The following CMIP variants were observed in gnomAD, a reference collection of about 807,000 sequenced individuals.
The protein encoded by CMIP is c-Maf inducing protein.
A neutral mutation model predicts 97.3 loss-of-function variants in CMIP; 13 were observed. The observed-to-expected ratio is 0.13, with a 90% CI of 0.09 to 0.21. CMIP has a LOEUF of 0.21. CMIP is among the 10% of genes least tolerant of loss of function. The probability of loss-of-function intolerance (pLI) is 1.00; values close to 1 mark genes in which losing one functional copy is unlikely to be tolerated. For missense variants in CMIP, 847 were observed against 1,024.9 expected (o/e 0.83, Z 2.37); for synonymous variants, 538 against 436.3 (o/e 1.23, Z -2.91).
At chr16:81,552,778 C>T (rs2090684713) in intron 1 of CMIP, among the ~76,000 whole-genome samples, 1 of 152,212 alleles carries the variant, frequency 6.6e-6, no homozygotes, top group African/African-American at 2.4e-5. Flanking sequence ...CACCAGGGGC[C>T]ATCCTTAGTG....
intron 1 of CMIP, chr16:81,464,053 G>A (rs1432400869): frequency 1.3e-5 from 2 of 152,288 alleles, no homozygotes; most frequent in African/African-American, 4.8e-5. Context: ...TTTCCAGGCA[G>A]CCAGCTCAGG....
At chr16:81,672,914 GT>G (rs1307381908) in intron 9 of CMIP, among the ~76,000 whole-genome samples, 5 of 152,210 alleles carry the variant, frequency 3.3e-5, no homozygotes, top group African/African-American at 7.2e-5. Context: ...CACAATTTCA[GT>G]GCTGGAGAGC....
At chr16:81,548,452 G>A (rs1178155371) in intron 1 of CMIP, among the ~76,000 whole-genome samples, 3 of 151,998 alleles carry the variant, frequency 2.0e-5, no homozygotes, top group Non-Finnish European at 4.4e-5. Context: ...CTTTATTGCG[G>A]GCACTGTCCT....
chr16:81,497,917 C>T (rs2089522111), intron 1 of CMIP, among the ~76,000 whole-genome samples: 1 of 152,264 alleles, frequency 6.6e-6, no homozygotes, highest in Non-Finnish European at 1.5e-5. Flanking sequence ...CTGTGGTCCC[C>T]CCAGAGGCTT....
chr16:81,660,971 G>C, intron 6 of CMIP, 25 bp downstream of exon 6: 1 of 1,613,894 alleles, frequency 6.2e-7, no homozygotes. Context: ...AGCTGGGGCT[G>C]TGGCTGCAGG....
chr16:81,675,861 G>C (rs1033264942), intron 9 of CMIP, among the ~76,000 whole-genome samples: 1 of 152,324 alleles, frequency 6.6e-6, no homozygotes, highest in East Asian at 1.9e-4. Context: ...AGCAGGTCTG[G>C]GGCGGGGCCT....
intron 20 of CMIP, 114 bp from the exon 21 acceptor site, chr16:81,709,632 G>C (rs1908538073): frequency 2.5e-6 from 3 of 1,182,152 alleles, no homozygotes; most frequent in South Asian, 1.3e-5. Context: ...ACAGCACCAA[G>C]GTGGGGAGAG....
At chr16:81,681,224 T>A (rs1038222500) in intron 10 of CMIP, among the ~76,000 whole-genome samples, 4 of 152,218 alleles carry the variant, frequency 2.6e-5, no homozygotes, top group Non-Finnish European at 5.9e-5. Flanking sequence ...TTGGGCCTGA[T>A]AACTGTATTT....
intron 6 of CMIP, among the ~76,000 whole-genome samples, chr16:81,661,817 C>T (rs1278902578): frequency 6.6e-6 from 1 of 152,046 alleles, no homozygotes; most frequent in Admixed American, 6.5e-5. Context: ...GAAAGGGAGA[C>T]AAGATTCAGT....
At chr16:81,495,991 A>T (rs2089483300) in intron 1 of CMIP, among the ~76,000 whole-genome samples, 1 of 152,204 alleles carries the variant, frequency 6.6e-6, no homozygotes, top group Non-Finnish European at 1.5e-5. Flanking sequence ...TGAAGCTGGC[A>T]GGGGCGCAAA....
chr16:81,553,526 G>T (rs1380396075), intron 1 of CMIP, among the ~76,000 whole-genome samples: 1 of 152,098 alleles, frequency 6.6e-6, no homozygotes, highest in Non-Finnish European at 1.5e-5. Flanking sequence ...TGCCTGTCCC[G>T]GCGCCAGCTT....
At chr16:81,611,007 C>G (rs1423298572) in intron 2 of CMIP, among the ~76,000 whole-genome samples, 1 of 152,172 alleles carries the variant, frequency 6.6e-6, no homozygotes, top group Non-Finnish European at 1.5e-5. Flanking sequence ...ACGGCATTAC[C>G]TTAGTGCTCC....
chr16:81,468,190 G>A (rs1448019653), intron 1 of CMIP, among the ~76,000 whole-genome samples: 2 of 152,326 alleles, frequency 1.3e-5, no homozygotes, highest in East Asian at 3.9e-4. Flanking sequence ...CTGGGCAGGG[G>A]CCAGAGGGCT....
chr16:81,677,013 C>T (rs1372749024), intron 9 of CMIP, among the ~76,000 whole-genome samples: 1 of 152,190 alleles, frequency 6.6e-6, no homozygotes, highest in African/African-American at 2.4e-5. Flanking sequence ...CACGAGGAGC[C>T]TTAAAAATTA....
chr16:81,508,481 A>G (rs1216876228), intron 1 of CMIP, among the ~76,000 whole-genome samples: 1 of 152,064 alleles, frequency 6.6e-6, no homozygotes, highest in Non-Finnish European at 1.5e-5. Context: ...AGAGCATTCT[A>G]CTCCATAGCT....
intron 20 of CMIP, among the ~76,000 whole-genome samples, chr16:81,708,310 G>A (rs1233251211): frequency 6.6e-6 from 1 of 152,206 alleles, no homozygotes; most frequent in East Asian, 1.9e-4. Context: ...GGCACCACTC[G>A]GGGGCCAACA....
chr16:81,483,570 C>A lies in CMIP; in HGVS notation c.300+38029C>A, dbSNP rs1486207429. 4.7e-5 allele frequency among the ~76,000 whole-genome samples: 6 copies of A among 128,056 alleles called. No homozygotes were observed. The East Asian group carries it at 1.2e-3, about 26-fold the overall frequency. 84.0% of individuals were successfully genotyped at this position (128,056 alleles called of 152,430 possible). ...GCCTCTCTCCCTCCCGCAGCCTCTT[C>A]CTCTTCCTCTTCCTCTTCCTCTTCC... On this transcript the variant is annotated intron_variant, in intron 1 of 20. Transcript: ENST00000537098.
At chr16:81,495,590 A>C in intron 1 of CMIP, 1 of 1,338,436 alleles carries the variant, frequency 7.5e-7, no homozygotes, top group Non-Finnish European at 1.0e-6. Context: ...AAATTCACAG[A>C]CCCACTTCTC....
Position 81,652,295 on chromosome 16 carries a change from G to A in CMIP, c.570G>A (p.Leu190=). ...KEIRTLVDMA[L]TSPLQDDSIN... is the part of the protein sequence containing the mutation. ...TCCGGACCCTGGTGGACATGGCCCT[G>A]ACATCCCCCCTGCAGGATGACTCCA... is the stretch of plus-strand genomic sequence containing the variant. Residue 190 remains leucine, a synonymous_variant, in exon 4 of 21, where the codon CTG becomes CTA. Coordinates refer to ENST00000537098, the MANE Select transcript of CMIP (RefSeq NM_198390.3). This position sits in a 1 kb window ranked among gnomAD's most constrained non-coding sequence, Gnocchi z 5.2. 6.2e-7 allele frequency: 1 copy of A among 1,613,924 alleles called. No individual in the cohort carries two copies. The highest frequency in any genetic ancestry group is 1.1e-5 in the South Asian group (1 of 91,080).
Sources: allele counts gnomAD v4.1 joint callset (sites outside exome capture counted in the v4.1 genomes callset), GRCh38; gene constraint gnomAD v4.1.1; non-coding constraint Gnocchi (gnomAD v3.1); transcripts MANE v1.5; gene names NCBI Gene and HGNC (gene_info 2026-07-23, HGNC 2026-07-21).